ZBTB7C: variants seen among roughly 807,000 people sequenced by gnomAD.
ZBTB7C encodes the protein zinc finger and BTB domain-containing protein 7C.
ZBTB7C carries 8 observed loss-of-function variants against 25.7 expected under a neutral mutation model. The observed-to-expected ratio is 0.31, with a 90% CI of 0.18 to 0.56. The LOEUF (loss-of-function observed/expected upper bound fraction) is 0.56. Among genes scored for constraint, ZBTB7C ranks in the 20% least tolerant of loss-of-function variants. ZBTB7C has a pLI of 0.91. For missense variants in ZBTB7C, 824 were observed against 855.2 expected (o/e 0.96, Z 0.46); for synonymous variants, 394 against 369.0 (o/e 1.07, Z -0.78).
At chr18:48,277,706 G>A (rs886206416) in intron 2 of ZBTB7C, among the ~76,000 whole-genome samples, 2 of 152,196 alleles carry the variant, frequency 1.3e-5, no homozygotes, top group East Asian at 3.9e-4. Context: ...TCACAGTCAC[G>A]CTGGAGGCTC....
intron 3 of ZBTB7C, among the ~76,000 whole-genome samples, chr18:48,076,154 G>A (rs189835101): frequency 3.0e-4 from 45 of 152,318 alleles, no homozygotes; most frequent in African/African-American, 1.0e-3. Context: ...GGGATAATGG[G>A]TCCCCACTAA....
At chr18:48,141,115 T>A (rs2040329477) in intron 3 of ZBTB7C, among the ~76,000 whole-genome samples, 1 of 150,032 alleles carries the variant, frequency 6.7e-6, no homozygotes, top group Admixed American at 6.6e-5. Context: ...CACCCCATAC[T>A]GCAATCACAG....
At chr18:48,338,015 TA>T (rs1009656406) in intron 2 of ZBTB7C, among the ~76,000 whole-genome samples, 158 bp downstream of exon 2, 2 of 152,236 alleles carry the variant, frequency 1.3e-5, no homozygotes, top group African/African-American at 4.8e-5. Context: ...CAGAAACTAA[TA>T]ACTATAAAGC....
intron 2 of ZBTB7C, among the ~76,000 whole-genome samples, chr18:48,266,813 ATT>A (rs567698374): frequency 1.4e-5 from 2 of 147,384 alleles, no homozygotes; most frequent in East Asian, 4.0e-4. Context: ...TATAGAATGG[ATT>A]TTTTTTTTTT....
At chr18:48,409,929 G>A (rs1599068070), upstream of ZBTB7C, among the ~76,000 whole-genome samples, 2 of 150,208 alleles carry the variant, frequency 1.3e-5, no homozygotes, top group African/African-American at 2.5e-5. Flanking sequence ...CGCACCCCCA[G>A]CGCAGGCTTG....
At chr18:48,293,422 T>C (rs1409027870) in intron 2 of ZBTB7C, among the ~76,000 whole-genome samples, 1 of 152,208 alleles carries the variant, frequency 6.6e-6, no homozygotes, top group African/African-American at 2.4e-5. Context: ...AACATAGGAA[T>C]TTTGAGGGGA....
At position 48,401,990 on chromosome 18, in the gene ZBTB7C, C is replaced by G. The variant is rs140042334; in HGVS notation, c.-304+7236G>C. Among the ~76,000 whole-genome samples, 53 of 152,300 alleles carry G rather than the reference C, an allele frequency of 3.5e-4. No homozygotes were observed. The East Asian group carries it at 0.01, about 29-fold the overall frequency. ...TTCAAGCCACCAAGGCCCCAGAACA[C>G]ACACTTCAAAAGAAGCCTTGACCTC... is the stretch of plus-strand genomic sequence containing the variant. On this transcript the variant is annotated intron_variant, in intron 1 of 4. Coordinates refer to ENST00000590800, the MANE Select transcript of ZBTB7C (RefSeq NM_001318841.2).
At chr18:48,065,274 G>A (rs964614472) in intron 3 of ZBTB7C, among the ~76,000 whole-genome samples, 16 of 152,160 alleles carry the variant, frequency 1.1e-4, no homozygotes, top group Non-Finnish European at 1.6e-4. Flanking sequence ...TGACATAAAT[G>A]TTGGGCATAC....
chr18:48,037,322 C>T (rs567738679), intron 4 of ZBTB7C, among the ~76,000 whole-genome samples: 2 of 152,244 alleles, frequency 1.3e-5, no homozygotes, highest in Non-Finnish European at 1.5e-5. Context: ...AGCTGCCCCA[C>T]TGCCTATCAT....
intron 3 of ZBTB7C, among the ~76,000 whole-genome samples, chr18:48,063,008 A>C (rs1025476812): frequency 2.6e-5 from 4 of 152,112 alleles, no homozygotes; most frequent in Admixed American, 6.5e-5. Context: ...AAAGTCTGTG[A>C]CTCTGCCAGC....
At chr18:48,335,170 T>A (rs1482644872) in intron 2 of ZBTB7C, among the ~76,000 whole-genome samples, 1 of 152,184 alleles carries the variant, frequency 6.6e-6, no homozygotes, top group African/African-American at 2.4e-5. Flanking sequence ...CCGGTTCTCA[T>A]GCAAAGGGAG....
chr18:48,406,371 C>T (rs1335943590), intron 1 of ZBTB7C, among the ~76,000 whole-genome samples: 1 of 152,096 alleles, frequency 6.6e-6, no homozygotes, highest in Non-Finnish European at 1.5e-5. Context: ...CTCTTATACC[C>T]TGGTCAGCCC....
intron 3 of ZBTB7C, among the ~76,000 whole-genome samples, chr18:48,122,139 G>A (rs921398848): frequency 2.0e-5 from 3 of 152,206 alleles, no homozygotes; most frequent in Non-Finnish European, 2.9e-5. Context: ...CAGAGGCTAT[G>A]GAAACTGAGA....
At chr18:48,222,594 C>G (rs946949918) in intron 2 of ZBTB7C, among the ~76,000 whole-genome samples, 1 of 152,170 alleles carries the variant, frequency 6.6e-6, no homozygotes, top group African/African-American at 2.4e-5. Flanking sequence ...CCTGCTGCCT[C>G]CCAAATCTGC....
chr18:48,224,368 G>A (rs905326532), intron 2 of ZBTB7C, among the ~76,000 whole-genome samples: 4 of 152,208 alleles, frequency 2.6e-5, no homozygotes, highest in African/African-American at 9.7e-5. Flanking sequence ...AAAAGCATGG[G>A]AGAAAACAGC....
chr18:48,130,766 AG>A (rs1342589316), intron 3 of ZBTB7C, among the ~76,000 whole-genome samples: 3 of 152,234 alleles, frequency 2.0e-5, no homozygotes, highest in Non-Finnish European at 2.9e-5. Context: ...ATTTCAAGTC[AG>A]GAAATTGAGG....
chr18:48,197,855 T>C (rs1179037268), intron 2 of ZBTB7C, among the ~76,000 whole-genome samples: 1 of 152,346 alleles, frequency 6.6e-6, no homozygotes, highest in Non-Finnish European at 1.5e-5. Context: ...TATAGAGGGA[T>C]GCAGTTCAGT....
intron 3 of ZBTB7C, among the ~76,000 whole-genome samples, chr18:48,053,061 G>T (rs539016934): frequency 5.9e-5 from 9 of 152,310 alleles, no homozygotes; most frequent in African/African-American, 2.2e-4. Context: ...GATGACGAGT[G>T]TTCTACAAGG....
intron 3 of ZBTB7C, among the ~76,000 whole-genome samples, chr18:48,177,663 T>C (rs1273054008): frequency 1.3e-5 from 2 of 151,992 alleles, no homozygotes; most frequent in African/African-American, 4.8e-5. Context: ...GCCTGGCCTG[T>C]TGAGAACCTG....
Sources: gnomAD v4.1 joint callset for allele counts (sites outside exome capture counted in the v4.1 genomes callset) on GRCh38, gnomAD v4.1.1 for gene constraint, MANE v1.5 for transcripts, NCBI Gene and HGNC (gene_info 2026-07-23, HGNC 2026-07-21) for gene names.